The following ITGA9 variants were observed in gnomAD, a reference collection of about 807,000 sequenced individuals.
ITGA9 encodes the protein integrin alpha-9.
A neutral mutation model predicts 127.8 loss-of-function variants in ITGA9; 56 were observed. The ratio of observed to expected loss-of-function variants is 0.44; its 90% CI spans 0.35 to 0.55. ITGA9 has a LOEUF of 0.55. Ranked by LOEUF, ITGA9 falls within the 20% of genes least tolerant of loss-of-function variation. ITGA9 has a pLI of 0.00. For synonymous variants in ITGA9, 508 were observed against 514.5 expected (o/e 0.99, Z 0.17); for missense variants, 1,196 against 1,347.1 (o/e 0.89, Z 1.76).
At chr3:37,791,157 A>T (rs925362676) in intron 26 of ITGA9, among the ~76,000 whole-genome samples, 6 of 151,770 alleles carry the variant, frequency 4.0e-5, no homozygotes, top group Non-Finnish European at 8.8e-5. Flanking sequence ...GAAGCCAGAA[A>T]CTCCCCCAAG....
intron 18 of ITGA9, among the ~76,000 whole-genome samples, chr3:37,692,408 A>AGTGTGTGTGT (rs552452929): frequency 7.3e-6 from 1 of 137,706 alleles, no homozygotes; most frequent in African/African-American, 3.4e-5. Flanking sequence ...TGAGAGAGAG[A>AGTGTGTGTGT]GAGAGTGTGT....
chr3:37,691,498 T>G (rs997836264), intron 18 of ITGA9, among the ~76,000 whole-genome samples: 3 of 151,884 alleles, frequency 2.0e-5, no homozygotes, highest in African/African-American at 7.3e-5. Flanking sequence ...CAGGTGGGAG[T>G]GAGGCCCAGC....
At chr3:37,642,895 C>T (rs1700346173) in intron 16 of ITGA9, among the ~76,000 whole-genome samples, 1 of 152,232 alleles carries the variant, frequency 6.6e-6, no homozygotes. Flanking sequence ...CCACTGTTTG[C>T]ACAGCCTGGA....
chr3:37,708,674 C>CACACAACAAGGG (rs1575202758), intron 18 of ITGA9, among the ~76,000 whole-genome samples: 1 of 152,200 alleles, frequency 6.6e-6, no homozygotes, highest in East Asian at 1.9e-4. Context: ...GACAGCTCCC[C>CACACAACAAGGG]ATACAACAAA....
intron 13 of ITGA9, among the ~76,000 whole-genome samples, chr3:37,529,690 C>G (rs551733077): frequency 6.6e-6 from 1 of 152,362 alleles, no homozygotes; most frequent in East Asian, 1.9e-4. Context: ...CAGCTTCACC[C>G]TCATCTATGT....
intron 18 of ITGA9, among the ~76,000 whole-genome samples, chr3:37,713,811 A>G (rs1251244412): frequency 6.6e-6 from 1 of 152,254 alleles, no homozygotes; most frequent in African/African-American, 2.4e-5. Flanking sequence ...GCTTACAGCC[A>G]CACGGCTGTT....
intron 18 of ITGA9, among the ~76,000 whole-genome samples, chr3:37,705,873 G>A (rs73827059): frequency 0.01 from 1,555 of 152,224 alleles, 17 homozygotes; most frequent in African/African-American, 0.024. Flanking sequence ...GGCCCACCCC[G>A]AGCAAACCCT....
chr3:37,637,048 A>G (rs1478674249), intron 16 of ITGA9, among the ~76,000 whole-genome samples: 3 of 152,150 alleles, frequency 2.0e-5, no homozygotes, highest in South Asian at 2.1e-4. Context: ...TTGTAGTATA[A>G]TTTAAAGTCA....
rs1199460560 is a variant in ITGA9 at position 37,629,411 on chromosome 3, A to G, written c.1839+75A>G. The G allele has an allele frequency of 1.9e-6, 3 of 1,557,116 alleles. No individual in the cohort carries two copies. The East Asian group carries it at 6.9e-5, about 36-fold the overall frequency. On this transcript the variant is annotated intron_variant, in intron 16 of 27. Coordinates refer to ENST00000264741, the MANE Select transcript of ITGA9 (RefSeq NM_002207.3). The surrounding 1 kb of genome is among the most constrained non-coding windows in gnomAD (Gnocchi z 4.5). The stretch of plus-strand genomic sequence containing the variant: ...AGCAGAAATAATGGCCCAAAAGTTG[A>G]GAGAGCCGTGGGCCTGGCTGCTCAG...
chr3:37,715,989 A>G (rs1459858807), intron 18 of ITGA9, among the ~76,000 whole-genome samples: 2 of 152,208 alleles, frequency 1.3e-5, no homozygotes, highest in Non-Finnish European at 2.9e-5. Context: ...AAGGAGGCCA[A>G]ACAAGGATGT....
chr3:37,561,918 G>A (rs1033035647), intron 15 of ITGA9, among the ~76,000 whole-genome samples: 2 of 152,152 alleles, frequency 1.3e-5, no homozygotes, highest in African/African-American at 4.8e-5. Flanking sequence ...AAGTAAGCAA[G>A]CACTATTGTG....
At chr3:37,650,317 G>A (rs1700417436) in intron 16 of ITGA9, among the ~76,000 whole-genome samples, 1 of 152,158 alleles carries the variant, frequency 6.6e-6, no homozygotes, top group African/African-American at 2.4e-5. Flanking sequence ...AAGTCACATT[G>A]TAAGGAGTGC....
intron 17 of ITGA9, among the ~76,000 whole-genome samples, chr3:37,661,188 C>G (rs1421396263): frequency 6.6e-6 from 1 of 152,120 alleles, no homozygotes; most frequent in Non-Finnish European, 1.5e-5. Context: ...TATCCTGATG[C>G]CTTGTTGTTA....
At chr3:37,786,892 G>C (rs912019253) in intron 26 of ITGA9, among the ~76,000 whole-genome samples, 1 of 152,202 alleles carries the variant, frequency 6.6e-6, no homozygotes, top group African/African-American at 2.4e-5. Flanking sequence ...TGTCACCCAG[G>C]CTGGAGTGCA....
intron 7 of ITGA9, 122 bp from the exon 8 acceptor site, chr3:37,508,437 A>G: frequency 1.3e-6 from 1 of 752,468 alleles, no homozygotes; most frequent in Non-Finnish European, 2.2e-6. Flanking sequence ...ATCAGCTAGC[A>G]TAAGCACATC....
intron 17 of ITGA9, among the ~76,000 whole-genome samples, chr3:37,659,668 A>C (rs975500015): frequency 6.6e-6 from 1 of 151,874 alleles, no homozygotes; most frequent in African/African-American, 2.4e-5. Context: ...CCACCTTCTG[A>C]AGCTTACTTC....
At chr3:37,656,947 T>C (rs1018072654) in intron 17 of ITGA9, among the ~76,000 whole-genome samples, 2 of 152,188 alleles carry the variant, frequency 1.3e-5, no homozygotes, top group Admixed American at 6.5e-5. Flanking sequence ...ATTGAGATAA[T>C]CATGTGTTTT....
rs999994178 is a variant in ITGA9 at position 37,791,456 on chromosome 3, G to A, written c.2889+6378G>A. On this transcript the variant is annotated intron_variant, in intron 26 of 27. Transcript: ENST00000264741. ...ATCCAGTGGAAGTGCTCAGAATTGC[G>A]CTGGAAGGCTGGAGAACCAGACCAA... Among the ~76,000 whole-genome samples the A allele has an allele frequency of 6.6e-5, 10 of 152,260 alleles. No individual in the cohort carries two copies. In the South Asian group the frequency reaches 8.3e-4, roughly 13 times the overall value.
intron 15 of ITGA9, among the ~76,000 whole-genome samples, chr3:37,546,116 C>A (rs1699323974): frequency 6.6e-6 from 1 of 152,048 alleles, no homozygotes; most frequent in African/African-American, 2.4e-5. Flanking sequence ...AACTTTGTAC[C>A]TTTCTATAAG....
Sources: gnomAD v4.1 joint callset for allele counts (sites outside exome capture counted in the v4.1 genomes callset) on GRCh38, gnomAD v4.1.1 for gene constraint, Gnocchi (gnomAD v3.1) non-coding constraint, MANE v1.5 for transcripts, NCBI Gene and HGNC (gene_info 2026-07-23, HGNC 2026-07-21) for gene names.